The following ZNRF2 variants were observed in gnomAD, a reference collection of about 807,000 sequenced individuals.
ZNRF2 encodes zinc and ring finger 2.
ZNRF2 carries 16 observed loss-of-function variants against 20.4 expected under a neutral mutation model. The ratio of observed to expected loss-of-function variants is 0.79; its 90% CI spans 0.53 to 1.19. The LOEUF is 1.19. Among genes scored for constraint, ZNRF2 ranks in the 50% most tolerant of loss-of-function variants. The pLI is 0.00. For synonymous variants in ZNRF2, 178 were observed against 144.9 expected (o/e 1.23, Z -1.64); for missense variants, 363 against 332.4 (o/e 1.09, Z -0.72).
rs150513685 is a variant in ZNRF2 at position 30,311,414 on chromosome 7, A to G, written c.470-12228A>G. Among the ~76,000 whole-genome samples the G allele has an allele frequency of 3.0e-4, 46 of 152,322 alleles. 1 individual carries two copies. Among genetic ancestry groups the G allele is most frequent in the African/African-American group, 9.4e-4 (39 of 41,576 alleles). Reference sequence around the variant, plus strand: ...AATTTGGGGGATGTAGAAACGAACTACCAGCAAACCCAATATAGCTAAGGA... The same window carrying G: ...AATTTGGGGGATGTAGAAACGAACTGCCAGCAAACCCAATATAGCTAAGGA... On this transcript the variant is annotated intron_variant, in intron 1 of 4. Coordinates refer to ENST00000323037, the MANE Select transcript of ZNRF2 (RefSeq NM_147128.4).
intron 1 of ZNRF2, among the ~76,000 whole-genome samples, chr7:30,306,762 C>A (rs1458418732): frequency 6.6e-6 from 1 of 152,084 alleles, no homozygotes; most frequent in Non-Finnish European, 1.5e-5. Flanking sequence ...TACAGACTTT[C>A]TTTGCCTTCC....
chr7:30,337,455 C>T (rs2127950984), intron 2 of ZNRF2, among the ~76,000 whole-genome samples: 1 of 152,112 alleles, frequency 6.6e-6, no homozygotes, highest in East Asian at 1.9e-4. Context: ...TGTATCAGTT[C>T]CTTAAGGCCC....
chr7:30,310,514 A>G (rs1313981876), intron 1 of ZNRF2, among the ~76,000 whole-genome samples: 6 of 152,166 alleles, frequency 3.9e-5, no homozygotes, highest in Non-Finnish European at 7.3e-5. Flanking sequence ...ACATAAATGA[A>G]TGTGTGTGGC....
At chr7:30,344,726 C>G (rs979869713) in intron 2 of ZNRF2, among the ~76,000 whole-genome samples, 1 of 152,166 alleles carries the variant, frequency 6.6e-6, no homozygotes, top group Non-Finnish European at 1.5e-5. Context: ...TCTTGGCTAG[C>G]TGAAGTTCAT....
At chr7:30,344,262 T>C (rs558337292) in intron 2 of ZNRF2, among the ~76,000 whole-genome samples, 50 of 151,666 alleles carry the variant, frequency 3.3e-4, no homozygotes, top group African/African-American at 1.1e-3. Flanking sequence ...TAGAAATAAC[T>C]GTGTTGTTTC....
chr7:30,330,777 AAAAG>A (rs1238746142), intron 2 of ZNRF2, among the ~76,000 whole-genome samples: 2 of 152,130 alleles, frequency 1.3e-5, no homozygotes, highest in Non-Finnish European at 2.9e-5. Context: ...GTTAAAAAAA[AAAAG>A]AAAACTTGCC....
chr7:30,302,539 A>G (rs187521451), intron 1 of ZNRF2, among the ~76,000 whole-genome samples: 297 of 149,944 alleles, frequency 2.0e-3, no homozygotes, highest in Non-Finnish European at 3.7e-3. Context: ...TTAAAGTACT[A>G]TGTTTTTTTT....
intron 2 of ZNRF2, among the ~76,000 whole-genome samples, chr7:30,352,968 C>G (rs189868955): frequency 6.6e-6 from 1 of 152,010 alleles, no homozygotes; most frequent in East Asian, 1.9e-4. Context: ...TCAAAACTTT[C>G]CTCTGAATGA....
At chr7:30,288,214 CATT>C (rs376871629) in intron 1 of ZNRF2, among the ~76,000 whole-genome samples, 14 of 152,138 alleles carry the variant, frequency 9.2e-5, no homozygotes, top group African/African-American at 2.7e-4. Flanking sequence ...TCTATTATAA[CATT>C]ATTGTGTTTA....
intron 2 of ZNRF2, among the ~76,000 whole-genome samples, chr7:30,340,190 C>T (rs1799773531): frequency 6.6e-6 from 1 of 152,126 alleles, no homozygotes; most frequent in African/African-American, 2.4e-5. Flanking sequence ...ATGTCATCTG[C>T]AAGCAGAGAC....
chr7:30,321,177 A>G (rs1364418553), intron 1 of ZNRF2, among the ~76,000 whole-genome samples: 3 of 151,870 alleles, frequency 2.0e-5, no homozygotes, highest in African/African-American at 4.8e-5. Context: ...TAGTGGGGGT[A>G]TGGTATTTGC....
chr7:30,297,600 G>T (rs1799038796), intron 1 of ZNRF2, among the ~76,000 whole-genome samples: 1 of 152,088 alleles, frequency 6.6e-6, no homozygotes, highest in African/African-American at 2.4e-5. Flanking sequence ...TAGTGTTGCT[G>T]TTGAGCACAT....
At chr7:30,304,138 A>G (rs959841356) in intron 1 of ZNRF2, among the ~76,000 whole-genome samples, 3 of 152,192 alleles carry the variant, frequency 2.0e-5, no homozygotes, top group Non-Finnish European at 4.4e-5. Context: ...GGCAAAAGCC[A>G]ACTGCTGCTG....
intron 2 of ZNRF2, among the ~76,000 whole-genome samples, chr7:30,331,291 G>C (rs774926350): frequency 1.2e-4 from 19 of 152,020 alleles, no homozygotes; most frequent in Non-Finnish European, 2.5e-4. Flanking sequence ...AAAATTAACA[G>C]CTTTATTTTC....
chr7:30,285,546 CGGCGCCGCGGCG>C lies in ZNRF2; in HGVS notation c.191_202del (p.Gly64_Ala67del), dbSNP rs1021054026. On this transcript the variant is annotated inframe_deletion, in exon 1 of 5. Coordinates refer to ENST00000323037, the MANE Select transcript of ZNRF2 (RefSeq NM_147128.4). ...GCGCGCACCAGCCCAGCGCCTCCGG[CGGCGCCGCGGCG>C]GCCGCGGCGGCCCCGGCAGCCCCGG... is the stretch of plus-strand genomic sequence containing the variant. The C allele has an allele frequency of 1.8e-5, 18 of 977,038 alleles. No individual in the cohort carries two copies. Among genetic ancestry groups the C allele is most frequent in the Non-Finnish European group, 2.1e-5 (17 of 826,776 alleles). 60.5% of individuals were successfully genotyped at this position (977,038 alleles called of 1,614,324 possible). A position where few individuals can be genotyped will look rare whatever the true frequency, so the allele number is the denominator to read the frequency against.
At chr7:30,297,971 C>T (rs1226634067) in intron 1 of ZNRF2, among the ~76,000 whole-genome samples, 1 of 151,984 alleles carries the variant, frequency 6.6e-6, no homozygotes, top group Non-Finnish European at 1.5e-5. Context: ...CTCAAGTGAT[C>T]CTCCTGCCTC....
intron 1 of ZNRF2, among the ~76,000 whole-genome samples, chr7:30,309,174 A>C (rs1488586435): frequency 6.6e-6 from 1 of 152,184 alleles, no homozygotes; most frequent in African/African-American, 2.4e-5. Flanking sequence ...ATTCTAAAAT[A>C]ATGGCAAAGC....
rs1255044809 is a variant in ZNRF2, at chr7:30,367,356, C to T, written c.*1344C>T. ...TTGTCAGGGCTACAATAGTGAATGT[C>T]CTTTTTTTTAATATCAAAAATATCG... On this transcript the variant is annotated 3_prime_UTR_variant, in exon 5 of 5. Transcript: ENST00000323037. The T allele has an allele frequency of 6.6e-6, 1 of 152,090 alleles. No homozygotes were observed. The allele number at this position is 152,090 out of a possible 1,614,324, so 9.4% of individuals were successfully genotyped here.
chr7:30,307,529 G>A (rs1799229845), intron 1 of ZNRF2, among the ~76,000 whole-genome samples: 1 of 151,700 alleles, frequency 6.6e-6, no homozygotes, highest in East Asian at 1.9e-4. Flanking sequence ...AAGAATTATA[G>A]ACTGAGTCCA....
Sources: allele counts gnomAD v4.1 joint callset (sites outside exome capture counted in the v4.1 genomes callset), GRCh38; gene constraint gnomAD v4.1.1; transcripts MANE v1.5; gene names NCBI Gene and HGNC (gene_info 2026-07-23, HGNC 2026-07-21).